Variants in PTPRT observed in about 807,000 individuals in gnomAD.
PTPRT encodes the protein receptor-type tyrosine-protein phosphatase T.
Under a neutral mutation model 176.8 loss-of-function variants are expected in PTPRT, and 56 were observed. That is an observed-to-expected ratio of 0.32 (90% CI 0.26 to 0.40). PTPRT has a LOEUF of 0.40. Ranked by LOEUF, PTPRT falls within the 10% of genes least tolerant of loss-of-function variation. The pLI is 1.00. For missense variants in PTPRT, 1,540 were observed against 1,908.2 expected (o/e 0.81, Z 3.60); for synonymous variants, 783 against 739.0 (o/e 1.06, Z -0.96).
At chr20:42,649,055 G>T (rs1232349636) in intron 7 of PTPRT, among the ~76,000 whole-genome samples, 2 of 151,946 alleles carry the variant, frequency 1.3e-5, no homozygotes, top group African/African-American at 2.4e-5. Context: ...TCATGACCTT[G>T]TGATCCGCCC....
intron 12 of PTPRT, among the ~76,000 whole-genome samples, chr20:42,300,086 C>T (rs935064616): frequency 5.9e-5 from 9 of 151,294 alleles, no homozygotes; most frequent in African/African-American, 9.7e-5. Flanking sequence ...GGTGAAACCC[C>T]GTCTCTACTA....
intron 5 of PTPRT, among the ~76,000 whole-genome samples, chr20:42,759,796 G>A (rs2076888964): frequency 6.6e-6 from 1 of 152,108 alleles, no homozygotes; most frequent in Admixed American, 6.6e-5. Context: ...TATGTGTGTT[G>A]TTCTAAAGTG....
chr20:43,088,337 T>C (rs1243398185), intron 1 of PTPRT, among the ~76,000 whole-genome samples: 48 of 25,756 alleles, frequency 1.9e-3, no homozygotes, highest in African/African-American at 6.5e-3. Context: ...CTTTGGGGTG[T>C]GTGTGTGTGT....
At chr20:42,520,566 A>G (rs1472128674) in intron 7 of PTPRT, among the ~76,000 whole-genome samples, 1 of 151,888 alleles carries the variant, frequency 6.6e-6, no homozygotes. Context: ...ACTACTCTCC[A>G]ATTTTCCCAG....
At chr20:42,873,131 T>C (rs2145829709) in intron 2 of PTPRT, among the ~76,000 whole-genome samples, 1 of 152,242 alleles carries the variant, frequency 6.6e-6, no homozygotes, top group Admixed American at 6.5e-5. Context: ...GAGGTTCAAG[T>C]CAACAGAGCA....
At chr20:43,109,888 G>C (rs748433404) in intron 1 of PTPRT, among the ~76,000 whole-genome samples, 1 of 152,254 alleles carries the variant, frequency 6.6e-6, no homozygotes. Flanking sequence ...AGGGGGACCA[G>C]TGTAATAGAG....
In PTPRT at chr20:42,859,103, G is replaced by T. The variant is rs150621663; in HGVS notation, c.214+26704C>A. ...GTAGATAGCGTTCAAGTGGCTGGGGGTGGGGAAGAGAAGCAAAATGTGACA... is the reference window on the plus strand; with the variant it reads ...GTAGATAGCGTTCAAGTGGCTGGGGTTGGGGAAGAGAAGCAAAATGTGACA... On this transcript the variant is annotated intron_variant, in intron 2 of 30. Coordinates refer to ENST00000373187, the MANE Select transcript of PTPRT (RefSeq NM_007050.6). Among the ~76,000 whole-genome samples, 686 of 152,292 alleles carry T rather than the reference G, an allele frequency of 4.5e-3. 4 individuals carry two copies. The highest frequency in any genetic ancestry group is 0.015 in the African/African-American group (634 of 41,548).
At chr20:42,187,363 C>A (rs1025477324) in intron 16 of PTPRT, among the ~76,000 whole-genome samples, 1 of 152,114 alleles carries the variant, frequency 6.6e-6, no homozygotes, top group Non-Finnish European at 1.5e-5. Context: ...TTCTTTCCAC[C>A]TAGTTAAGAG....
intron 7 of PTPRT, among the ~76,000 whole-genome samples, chr20:42,663,364 T>C (rs1600570141): frequency 6.6e-6 from 1 of 151,974 alleles, no homozygotes; most frequent in Admixed American, 6.6e-5. Context: ...AAAGGATGAG[T>C]TCTATGCTGG....
intron 1 of PTPRT, among the ~76,000 whole-genome samples, chr20:43,106,666 G>GACA (rs2012618817): frequency 1.1e-5 from 1 of 87,002 alleles, no homozygotes; most frequent in Admixed American, 1.6e-4. Flanking sequence ...CTCAAAAAAA[G>GACA]AAAAAAAAAA....
intron 13 of PTPRT, among the ~76,000 whole-genome samples, chr20:42,276,574 T>C (rs2057043443): frequency 8.6e-6 from 1 of 116,934 alleles, no homozygotes. Context: ...TCTTGAATAC[T>C]TGGTAGAAAG....
At chr20:42,535,376 C>T (rs756606607) in intron 7 of PTPRT, among the ~76,000 whole-genome samples, 4 of 152,104 alleles carry the variant, frequency 2.6e-5, no homozygotes, top group South Asian at 2.1e-4. Context: ...TAGGGTCCTA[C>T]GCTTATTACC....
intron 15 of PTPRT, among the ~76,000 whole-genome samples, chr20:42,212,196 T>A (rs1368465464): frequency 4.1e-5 from 6 of 144,648 alleles, no homozygotes; most frequent in South Asian, 2.3e-4. Flanking sequence ...TACCTAATGC[T>A]AGATGACGAG....
chr20:42,521,295 C>T (rs113598789), intron 7 of PTPRT, among the ~76,000 whole-genome samples: 8 of 152,240 alleles, frequency 5.3e-5, no homozygotes, highest in African/African-American at 1.7e-4. Context: ...GTTCTCCTAT[C>T]TTACAAATGT....
intron 24 of PTPRT, among the ~76,000 whole-genome samples, chr20:42,106,027 T>G (rs574287648): frequency 2.6e-5 from 4 of 152,142 alleles, no homozygotes; most frequent in Non-Finnish European, 4.4e-5. Context: ...GCAGAGGCCT[T>G]TGGGGGTCAC....
chr20:42,893,444 T>A (rs1489966960), intron 1 of PTPRT, among the ~76,000 whole-genome samples: 3 of 151,470 alleles, frequency 2.0e-5, no homozygotes, highest in South Asian at 4.2e-4. Context: ...ATTGTGGAAG[T>A]CAGTGTGGCG....
chr20:42,079,721 AAGG>A lies in PTPRT; in HGVS notation c.*1155_*1157del. 8.7e-6 allele frequency: 2 copies of A among 229,186 alleles called. No individual in the cohort carries two copies. The allele number at this position is 229,186 out of a possible 1,614,324, so 14.2% of individuals were successfully genotyped here. A position where few individuals can be genotyped will look rare whatever the true frequency, so the allele number is the denominator to read the frequency against. On this transcript the variant is annotated 3_prime_UTR_variant, in exon 31 of 31. Coordinates refer to ENST00000373187, the MANE Select transcript of PTPRT (RefSeq NM_007050.6). ...AAGGTGGCTGCTGGGTTTCTTTAGG[AAGG>A]AGTTCAAATTTGGACATCCAAATTA... is the stretch of plus-strand genomic sequence containing the variant.
chr20:42,222,708 C>T (rs1042632159), intron 15 of PTPRT, among the ~76,000 whole-genome samples: 20 of 152,174 alleles, frequency 1.3e-4, no homozygotes, highest in African/African-American at 4.8e-4. Context: ...ACCTCTTCCC[C>T]CAAACCCCAC....
intron 12 of PTPRT, among the ~76,000 whole-genome samples, chr20:42,306,651 G>A (rs2057548080): frequency 6.6e-6 from 1 of 152,146 alleles, no homozygotes; most frequent in Non-Finnish European, 1.5e-5. Context: ...GGGGCCTCTG[G>A]GTCACAGCTC....
Sources: allele counts gnomAD v4.1 joint callset (sites outside exome capture counted in the v4.1 genomes callset), GRCh38; gene constraint gnomAD v4.1.1; transcripts MANE v1.5; gene names NCBI Gene and HGNC (gene_info 2026-07-23, HGNC 2026-07-21).